Variants in SYT14 observed in about 807,000 individuals in gnomAD.
SYT14 encodes synaptotagmin 14, also known as synaptotagmin-14.
In SYT14, 32 loss-of-function variants were observed where a neutral mutation model predicts 74.2. That is an observed-to-expected ratio of 0.43 (90% CI 0.33 to 0.58). SYT14 has a LOEUF of 0.58. Among genes scored for constraint, SYT14 ranks in the 20% least tolerant of loss-of-function variants. SYT14 has a pLI of 0.05. For missense variants in SYT14, 791 were observed against 981.8 expected (o/e 0.81, Z 2.60); for synonymous variants, 298 against 337.7 (o/e 0.88, Z 1.29).
At chr1:210,059,451 T>TATATAGAGAGAGAGAGAG (rs377050610) in intron 5 of SYT14, among the ~76,000 whole-genome samples, 37 of 69,898 alleles carry the variant, frequency 5.3e-4, no homozygotes, top group African/African-American at 1.9e-3. Flanking sequence ...TATATATATA[T>TATATAGAGAGAGAGAGAG]AGAGAGAGAG....
chr1:210,020,903 G>T, intron 4 of SYT14, 136 bp from the exon 4 acceptor site: 1 of 695,042 alleles, frequency 1.4e-6, no homozygotes, highest in Non-Finnish European at 2.6e-6. Flanking sequence ...ATATGTGTGT[G>T]TTTATATATA....
intron 5 of SYT14, among the ~76,000 whole-genome samples, chr1:210,066,754 C>G (rs537801183): frequency 6.6e-6 from 1 of 152,086 alleles, no homozygotes; most frequent in African/African-American, 2.4e-5. Flanking sequence ...TCAATTTTGG[C>G]TTTTGTAGGT....
intron 7 of SYT14, among the ~76,000 whole-genome samples, chr1:210,145,302 C>A (rs952218009): frequency 6.6e-6 from 1 of 152,174 alleles, no homozygotes; most frequent in Non-Finnish European, 1.5e-5. Context: ...TGCTCAAGCA[C>A]TCAGTCATGC....
intron 2 of SYT14, among the ~76,000 whole-genome samples, chr1:209,966,447 T>C (rs556067004): frequency 1.7e-3 from 262 of 152,322 alleles, no homozygotes; most frequent in African/African-American, 5.9e-3. Context: ...ACATTTATTT[T>C]AATATTATTG....
intron 5 of SYT14, among the ~76,000 whole-genome samples, chr1:210,065,898 C>T (rs1244612203): frequency 6.6e-6 from 1 of 150,668 alleles, no homozygotes; most frequent in African/African-American, 2.4e-5. Flanking sequence ...CACAACAGTC[C>T]CCGGTGTGTG....
At chr1:210,115,852 G>T (rs1023770219) in intron 7 of SYT14, among the ~76,000 whole-genome samples, 1 of 151,306 alleles carries the variant, frequency 6.6e-6, no homozygotes, top group Non-Finnish European at 1.5e-5. Flanking sequence ...CAAATTTCAT[G>T]TGCATCTGTG....
intron 2 of SYT14, among the ~76,000 whole-genome samples, chr1:209,994,016 TA>T (rs1323829884): frequency 4.6e-5 from 7 of 152,174 alleles, no homozygotes; most frequent in Non-Finnish European, 7.3e-5. Context: ...ACTGACTATA[TA>T]CAGTTAACAC....
chr1:210,097,963 G>A (rs1342486406), intron 6 of SYT14, among the ~76,000 whole-genome samples: 1 of 152,068 alleles, frequency 6.6e-6, no homozygotes, highest in African/African-American at 2.4e-5. Flanking sequence ...GGTTCCTTGA[G>A]CCCAAGAGTT....
chr1:210,015,963 A>G (rs1448523008), exon 4 of SYT14: 1 of 1,231,682 alleles, frequency 8.1e-7, no homozygotes, highest in East Asian at 3.2e-5. Flanking sequence ...TCAGAAGAGA[A>G]AATTCCATTA....
chr1:209,971,437 A>G (rs1382037921), intron 2 of SYT14, among the ~76,000 whole-genome samples: 1 of 152,080 alleles, frequency 6.6e-6, no homozygotes, highest in Non-Finnish European at 1.5e-5. Context: ...AAGAGTGGTG[A>G]GAGTAGACAT....
At chr1:210,112,744 G>A (rs1374618587) in intron 7 of SYT14, among the ~76,000 whole-genome samples, 3 of 151,278 alleles carry the variant, frequency 2.0e-5, no homozygotes, top group Non-Finnish European at 4.4e-5. Context: ...TATTAAAGAG[G>A]CATTAATGAT....
Position 210,123,136 on chromosome 1 carries a change from A to C in SYT14, c.2034+22675A>C, listed in dbSNP as rs555148998. On this transcript the variant is annotated intron_variant, in intron 7 of 9. Transcript: ENST00000637265. ...AATGCAAGAAAGAGTTTATTTTTAC[A>C]GTTAAAGATAGTGGATTAGGCACAT... Among the ~76,000 whole-genome samples the C allele has an allele frequency of 1.6e-4, 25 of 152,362 alleles. 1 individual carries two copies. In the South Asian group the frequency reaches 4.8e-3, roughly 29 times the overall value.
Position 210,128,091 on chromosome 1 carries a change from G to A in SYT14, c.2034+27630G>A, listed in dbSNP as rs563732060. 1.4e-4 allele frequency among the ~76,000 whole-genome samples: 21 copies of A among 152,150 alleles called. No individual in the cohort carries two copies. The East Asian group carries it at 3.9e-3, about 28-fold the overall frequency. Reference sequence around the variant, plus strand: ...AATTATTTTCAAGGTAGATTTTTAAGGCCAGGTATGGTGGCTCACGCCTGT... The same window carrying A: ...AATTATTTTCAAGGTAGATTTTTAAAGCCAGGTATGGTGGCTCACGCCTGT... On this transcript the variant is annotated intron_variant, in intron 7 of 9. Transcript: ENST00000637265.
At chr1:210,117,705 T>A (rs1285262725) in intron 7 of SYT14, among the ~76,000 whole-genome samples, 1 of 152,154 alleles carries the variant, frequency 6.6e-6, no homozygotes, top group Non-Finnish European at 1.5e-5. Flanking sequence ...ATAAATCTTT[T>A]AGTGAAAAGA....
intron 7 of SYT14, among the ~76,000 whole-genome samples, chr1:210,148,958 TCAG>T (rs1473035690): frequency 6.6e-6 from 1 of 152,014 alleles, no homozygotes; most frequent in Non-Finnish European, 1.5e-5. Context: ...TTAAAATAAT[TCAG>T]CAAAAAATAT....
chr1:209,949,156 A>C (rs2078869817), intron 1 of SYT14, among the ~76,000 whole-genome samples: 2 of 152,210 alleles, frequency 1.3e-5, no homozygotes, highest in African/African-American at 4.8e-5. Flanking sequence ...ACATATCTCT[A>C]ACTGAAAAAG....
At chr1:210,114,890 G>C (rs2082328936) in intron 7 of SYT14, among the ~76,000 whole-genome samples, 1 of 151,002 alleles carries the variant, frequency 6.6e-6, no homozygotes, top group African/African-American at 2.5e-5. Context: ...GGGGAGGAGG[G>C]GAGAGGTCAG....
At chr1:209,968,174 C>T (rs1465557277) in intron 2 of SYT14, among the ~76,000 whole-genome samples, 1 of 152,046 alleles carries the variant, frequency 6.6e-6, no homozygotes, top group East Asian at 1.9e-4. Flanking sequence ...AGAATGTAGC[C>T]TCATCTTAGG....
chr1:209,973,844 C>G (rs2079304929), intron 2 of SYT14, among the ~76,000 whole-genome samples: 1 of 152,168 alleles, frequency 6.6e-6, no homozygotes, highest in Non-Finnish European at 1.5e-5. Context: ...AAAAGTGTTC[C>G]TATTTCTCCA....
Sources: allele counts gnomAD v4.1 joint callset (sites outside exome capture counted in the v4.1 genomes callset), GRCh38; gene constraint gnomAD v4.1.1; transcripts MANE v1.5; gene names NCBI Gene and HGNC (gene_info 2026-07-23, HGNC 2026-07-21).